The following BCAS3 variants were observed in gnomAD, a reference collection of about 807,000 sequenced individuals.
BCAS3 encodes BCAS4/BCAS3 fusion.
Under a neutral mutation model 116.1 loss-of-function variants are expected in BCAS3, and 53 were observed. The ratio of observed to expected loss-of-function variants is 0.46; its 90% CI spans 0.37 to 0.57. The LOEUF (loss-of-function observed/expected upper bound fraction) is 0.57. Among genes scored for constraint, BCAS3 ranks in the 20% least tolerant of loss-of-function variants. The probability of loss-of-function intolerance (pLI) is 0.00; values close to 1 mark genes in which losing one functional copy is unlikely to be tolerated. For missense variants in BCAS3, 917 were observed against 1,165.4 expected (o/e 0.79, Z 3.10); for synonymous variants, 391 against 408.2 (o/e 0.96, Z 0.51).
rs866022795 is a variant in BCAS3 at position 61,309,446 on chromosome 17, G to A, written c.2426-58881G>A. 2.3e-4 allele frequency among the ~76,000 whole-genome samples: 35 copies of A among 152,184 alleles called. No individual in the cohort carries two copies. The highest frequency in any genetic ancestry group is 2.1e-4 in the South Asian group (1 of 4,806). The stretch of plus-strand genomic sequence containing the variant: ...GTAGAAGAGGAAGCAGGAAGCCACC[G>A]ACAGGGGCATAACTGTGGACCTAAA... On this transcript the variant is annotated intron_variant, in intron 22 of 23. Transcript: ENST00000407086. The surrounding 1 kb of genome is among the most constrained non-coding windows in gnomAD (Gnocchi z 4.6).
At chr17:60,803,701 C>A (rs1468299394) in intron 6 of BCAS3, among the ~76,000 whole-genome samples, 2 of 151,472 alleles carry the variant, frequency 1.3e-5, no homozygotes, top group Non-Finnish European at 2.9e-5. Context: ...TATATATTCA[C>A]ATGGTTTGAA....
At chr17:61,103,515 C>G (rs1372999411) in intron 22 of BCAS3, among the ~76,000 whole-genome samples, 6 of 152,142 alleles carry the variant, frequency 3.9e-5, no homozygotes, top group Non-Finnish European at 8.8e-5. Context: ...AATACTGCTG[C>G]CCAAATGGAT....
At chr17:61,262,783 C>T (rs1264283431) in intron 22 of BCAS3, among the ~76,000 whole-genome samples, 2 of 151,632 alleles carry the variant, frequency 1.3e-5, no homozygotes, top group African/African-American at 2.4e-5. Flanking sequence ...ACCTCTGCCT[C>T]CCAGGTTCAA....
intron 7 of BCAS3, among the ~76,000 whole-genome samples, chr17:60,856,161 C>A (rs1258938249): frequency 6.6e-6 from 1 of 152,164 alleles, no homozygotes; most frequent in Non-Finnish European, 1.5e-5. Context: ...AAACTACCAT[C>A]TTTTCCATTG....
chr17:60,911,103 A>ATT (rs1599625012), intron 12 of BCAS3, among the ~76,000 whole-genome samples: 1 of 75,796 alleles, frequency 1.3e-5, no homozygotes, highest in African/African-American at 1.1e-4. Flanking sequence ...AGATTAATAA[A>ATT]TTTTTTTCTT....
At chr17:60,881,190 G>A (rs1270987067) in intron 9 of BCAS3, among the ~76,000 whole-genome samples, 2 of 152,082 alleles carry the variant, frequency 1.3e-5, no homozygotes, top group South Asian at 2.1e-4. Context: ...TAGCCAGGAT[G>A]GTCTCGATCT....
In BCAS3 at chr17:61,227,250, TC is replaced by T. The variant is rs1290447961; in HGVS notation, c.2426-141075del. On this transcript the variant is annotated intron_variant, in intron 22 of 23. Coordinates refer to ENST00000407086, the MANE Select transcript of BCAS3 (RefSeq NM_017679.5). This position sits in a 1 kb window ranked among gnomAD's most constrained non-coding sequence, Gnocchi z 6.1. ...CTGAGAAGCTAGTGCAATTTATGAG[TC>T]CTCTTCTGAAAAAAATGCAGATACT... is the stretch of plus-strand genomic sequence containing the variant. 6.6e-6 allele frequency among the ~76,000 whole-genome samples: 1 copy of T among 152,012 alleles called. No individual in the cohort carries two copies. Among genetic ancestry groups the T allele is most frequent in the Non-Finnish European group, 1.5e-5 (1 of 68,010 alleles).
At chr17:60,851,834 GT>G (rs2144808966) in intron 7 of BCAS3, 2 of 1,386,066 alleles carry the variant, frequency 1.4e-6, no homozygotes, top group East Asian at 2.5e-5. Flanking sequence ...GTAAATGCAA[GT>G]TTTTTAGTAG....
At chr17:61,210,097 C>T (rs917083801) in intron 22 of BCAS3, among the ~76,000 whole-genome samples, 1 of 152,190 alleles carries the variant, frequency 6.6e-6, no homozygotes, top group Non-Finnish European at 1.5e-5. Flanking sequence ...ACGAAGTTCA[C>T]CACATTTGGG....
In BCAS3 at chr17:61,231,536, T is replaced by C. The variant is rs141848041; in HGVS notation, c.2426-136791T>C. On this transcript the variant is annotated intron_variant, in intron 22 of 23. Coordinates refer to ENST00000407086, the MANE Select transcript of BCAS3 (RefSeq NM_017679.5). ...CCTTTCTTAAGTTCCAAATCCATAA[T>C]GCAGAAACCATGCTGGGCATTAAGG... is the stretch of plus-strand genomic sequence containing the variant. Among the ~76,000 whole-genome samples the C allele has an allele frequency of 2.0e-5, 3 of 152,288 alleles. No homozygotes were observed. In the East Asian group the frequency reaches 5.8e-4, roughly 29 times the overall value.
In BCAS3 at chr17:60,711,722, T is replaced by C. The variant is rs2144026657; in HGVS notation, c.321+2397T>C. Among the ~76,000 whole-genome samples, 4 of 152,306 alleles carry C rather than the reference T, an allele frequency of 2.6e-5. 1 individual carries two copies. The highest frequency in any genetic ancestry group is 2.6e-4 in the Admixed American group (4 of 15,278). ...GAATAATTTTTTTTTTGATAGAATT[T>C]TCTTTGGCCAAGTGTATATTGTTGT... On this transcript the variant is annotated intron_variant, in intron 5 of 23. Transcript: ENST00000407086.
chr17:60,729,531 T>TA (rs886927276), intron 5 of BCAS3, among the ~76,000 whole-genome samples: 142 of 152,090 alleles, frequency 9.3e-4, no homozygotes, highest in African/African-American at 2.9e-3. Context: ...TGTCAGTCAT[T>TA]AAAAAAAATC....
chr17:61,173,796 A>C (rs527344401), intron 22 of BCAS3, among the ~76,000 whole-genome samples: 12 of 152,030 alleles, frequency 7.9e-5, no homozygotes, highest in African/African-American at 2.4e-4. Flanking sequence ...ATGGGGGATG[A>C]CTTGAGCCCA....
rs2076815282 is a variant in BCAS3 at position 61,139,531 on chromosome 17, G to A, written c.2425+54967G>A. On this transcript the variant is annotated intron_variant, in intron 22 of 23. Coordinates refer to ENST00000407086, the MANE Select transcript of BCAS3 (RefSeq NM_017679.5). This position sits in a 1 kb window ranked among gnomAD's most constrained non-coding sequence, Gnocchi z 4.7. ...TATAGCAGAAGCCATAATGTATAATGTTCAGGAGTGGGTGAGCTACCTAAG... is the reference window on the plus strand; with the variant it reads ...TATAGCAGAAGCCATAATGTATAATATTCAGGAGTGGGTGAGCTACCTAAG... Among the ~76,000 whole-genome samples the A allele has an allele frequency of 6.6e-6, 1 of 152,194 alleles. No individual in the cohort carries two copies. The highest frequency in any genetic ancestry group is 1.5e-5 in the Non-Finnish European group (1 of 68,028).
intron 6 of BCAS3, among the ~76,000 whole-genome samples, chr17:60,761,155 T>C (rs1419053541): frequency 6.6e-6 from 1 of 152,164 alleles, no homozygotes; most frequent in Non-Finnish European, 1.5e-5. Context: ...AGAACTCTCT[T>C]GTATCTCATT....
intron 22 of BCAS3, among the ~76,000 whole-genome samples, chr17:61,091,266 G>A (rs2073540561): frequency 6.6e-6 from 1 of 152,164 alleles, no homozygotes; most frequent in South Asian, 2.1e-4. Flanking sequence ...TGTTGATATA[G>A]TAGGGTTCCA....
At chr17:61,375,996 T>C (rs1409318563) in intron 23 of BCAS3, among the ~76,000 whole-genome samples, 1 of 152,208 alleles carries the variant, frequency 6.6e-6, no homozygotes, top group Non-Finnish European at 1.5e-5. Context: ...TCAGAAGATG[T>C]GGTGGTGGTT....
chr17:61,182,556 A>G (rs931713354), intron 22 of BCAS3, among the ~76,000 whole-genome samples: 4 of 152,240 alleles, frequency 2.6e-5, no homozygotes, highest in African/African-American at 9.6e-5. Context: ...CATGGTAAGT[A>G]TACAATTTAA....
chr17:60,776,913 G>C (rs2045347341), intron 6 of BCAS3, among the ~76,000 whole-genome samples: 1 of 151,436 alleles, frequency 6.6e-6, no homozygotes, highest in Admixed American at 6.6e-5. Flanking sequence ...TACTCGGGAG[G>C]CTTAGGCAGG....
Sources: gnomAD v4.1 joint callset for allele counts (sites outside exome capture counted in the v4.1 genomes callset) on GRCh38, gnomAD v4.1.1 for gene constraint, Gnocchi (gnomAD v3.1) non-coding constraint, MANE v1.5 for transcripts, NCBI Gene and HGNC (gene_info 2026-07-23, HGNC 2026-07-21) for gene names.